DYM: variants seen among roughly 807,000 people sequenced by gnomAD.
DYM encodes the protein dyggve-Melchior-Clausen syndrome protein.
In DYM, 78 loss-of-function variants were observed where a neutral mutation model predicts 93.1. That is an observed-to-expected ratio of 0.84 (90% confidence interval 0.70 to 1.01). DYM has a LOEUF of 1.01. Among genes scored for constraint, DYM ranks in the 50% least tolerant of loss-of-function variants. The probability of loss-of-function intolerance (pLI) is 0.00; values close to 1 mark genes in which losing one functional copy is unlikely to be tolerated. For synonymous variants in DYM, 321 were observed against 319.7 expected (o/e 1.00, Z -0.04); for missense variants, 789 against 845.0 (o/e 0.93, Z 0.82).
chr18:49,136,915 C>A (rs558691656), intron 15 of DYM, among the ~76,000 whole-genome samples: 1 of 152,152 alleles, frequency 6.6e-6, no homozygotes, highest in East Asian at 1.9e-4. Flanking sequence ...GAGGAAGACA[C>A]AGAATGCAAG....
intron 17 of DYM, among the ~76,000 whole-genome samples, chr18:49,066,110 C>T (rs962407793): frequency 1.4e-5 from 2 of 146,924 alleles, no homozygotes; most frequent in Non-Finnish European, 3.0e-5. Context: ...TAGGTTGGTG[C>T]AAAAGTAATC....
At chr18:49,145,800 G>A (rs2085061671) in intron 15 of DYM, among the ~76,000 whole-genome samples, 1 of 152,060 alleles carries the variant, frequency 6.6e-6, no homozygotes, top group Non-Finnish European at 1.5e-5. Flanking sequence ...TGTTTTTAAT[G>A]TCCTTATATA....
chr18:49,442,292 C>G (rs148330036), intron 1 of DYM, among the ~76,000 whole-genome samples: 1 of 152,144 alleles, frequency 6.6e-6, no homozygotes, highest in Admixed American at 6.6e-5. Context: ...CTCCTAGAAT[C>G]CCAGCGCTTT....
intron 17 of DYM, among the ~76,000 whole-genome samples, chr18:49,082,142 C>T (rs2078100785): frequency 6.6e-6 from 1 of 152,226 alleles, no homozygotes; most frequent in Admixed American, 6.5e-5. Flanking sequence ...CTGTGATTTC[C>T]CAGGCCAGAA....
intron 6 of DYM, among the ~76,000 whole-genome samples, chr18:49,356,133 TAA>T (rs1000543727): frequency 3.3e-5 from 5 of 152,178 alleles, no homozygotes; most frequent in African/African-American, 9.7e-5. Flanking sequence ...AAGTAAGTTA[TAA>T]GTCAGAAAAA....
chr18:49,255,071 A>T (rs2094363387), intron 13 of DYM, among the ~76,000 whole-genome samples: 1 of 152,256 alleles, frequency 6.6e-6, no homozygotes, highest in Admixed American at 6.5e-5. Context: ...GACATAAATT[A>T]AATAGTGAGT....
chr18:49,112,143 A>AC (rs149468663), intron 16 of DYM, among the ~76,000 whole-genome samples: 1 of 82,984 alleles, frequency 1.2e-5, no homozygotes, highest in Non-Finnish European at 3.0e-5. Context: ...TCCCCTCCGC[A>AC]CCCCCACCCC....
intron 17 of DYM, among the ~76,000 whole-genome samples, chr18:49,076,561 G>A (rs1218088340): frequency 2.0e-5 from 3 of 152,164 alleles, no homozygotes; most frequent in African/African-American, 7.2e-5. Context: ...TTCACATCCT[G>A]ATGACACCTG....
intron 14 of DYM, among the ~76,000 whole-genome samples, chr18:49,167,554 T>C (rs2088061629): frequency 1.3e-5 from 2 of 152,212 alleles, no homozygotes; most frequent in South Asian, 2.1e-4. Flanking sequence ...TTGGCTTTTA[T>C]TTAACATTTT....
intron 17 of DYM, among the ~76,000 whole-genome samples, chr18:49,080,673 C>A (rs2077865781): frequency 6.9e-6 from 1 of 145,570 alleles, no homozygotes; most frequent in African/African-American, 2.5e-5. Context: ...GACGGGGCGG[C>A]TGCCGGGCAG....
chr18:49,120,685 A>AGT (rs1490062110), intron 15 of DYM, among the ~76,000 whole-genome samples: 1 of 152,260 alleles, frequency 6.6e-6, no homozygotes, highest in Non-Finnish European at 1.5e-5. Context: ...TATCAGGTAA[A>AGT]GTAGACTTCA....
chr18:49,440,361 A>C lies in DYM; in HGVS notation c.-53-9914T>G, dbSNP rs576647903. 1.6e-3 allele frequency among the ~76,000 whole-genome samples: 204 copies of C among 131,338 alleles called. 11 individuals carry two copies. The highest frequency in any genetic ancestry group is 5.1e-3 in the African/African-American group (185 of 36,198). 86.2% of individuals were successfully genotyped at this position (131,338 alleles called of 152,430 possible). On this transcript the variant is annotated intron_variant, in intron 1 of 17. Transcript: ENST00000675505. ...TATATGATATATAATATAGTATATG[A>C]TATATAATATAGCATATTATATATG...
chr18:49,316,139 G>A (rs972364999), intron 8 of DYM, among the ~76,000 whole-genome samples: 109 of 152,160 alleles, frequency 7.2e-4, no homozygotes, highest in African/African-American at 2.4e-3. Context: ...AAAATTAGCC[G>A]GGCGTGGCGG....
intron 16 of DYM, among the ~76,000 whole-genome samples, chr18:49,112,049 G>A (rs1008292906): frequency 3.3e-5 from 5 of 151,446 alleles, no homozygotes; most frequent in African/African-American, 4.8e-5. Flanking sequence ...TATCTTTTAC[G>A]TGCAATAATG....
chr18:49,284,018 G>C (rs747014872), intron 9 of DYM, among the ~76,000 whole-genome samples: 1 of 152,096 alleles, frequency 6.6e-6, no homozygotes, highest in Non-Finnish European at 1.5e-5. Flanking sequence ...GCAAAAGGAA[G>C]TGTTGCCATG....
At chr18:49,305,377 C>A (rs2061212408) in intron 8 of DYM, among the ~76,000 whole-genome samples, 1 of 152,198 alleles carries the variant, frequency 6.6e-6, no homozygotes, top group Non-Finnish European at 1.5e-5. Flanking sequence ...GCCCAGCAAT[C>A]CTACTACATT....
chr18:49,220,993 C>T (rs1411480456), intron 13 of DYM, among the ~76,000 whole-genome samples: 10 of 152,088 alleles, frequency 6.6e-5, no homozygotes, highest in Non-Finnish European at 1.0e-4. Flanking sequence ...AGAAAATTTT[C>T]GCAACCTACT....
At chr18:49,081,434 CG>C (rs1377269806) in intron 17 of DYM, among the ~76,000 whole-genome samples, 3 of 151,720 alleles carry the variant, frequency 2.0e-5, no homozygotes, top group Non-Finnish European at 4.4e-5. Context: ...GGGAGGTCGC[CG>C]TGAGCCGAGA....
At chr18:49,224,329 ACATG>A (rs2093458343) in intron 13 of DYM, among the ~76,000 whole-genome samples, 1 of 152,086 alleles carries the variant, frequency 6.6e-6, no homozygotes, top group Admixed American at 6.6e-5. Context: ...ATCTGATTGG[ACATG>A]CAGGTCTGAA....
Sources: gnomAD v4.1 joint callset for allele counts (sites outside exome capture counted in the v4.1 genomes callset) on GRCh38, gnomAD v4.1.1 for gene constraint, MANE v1.5 for transcripts, NCBI Gene and HGNC (gene_info 2026-07-23, HGNC 2026-07-21) for gene names.